Variants in PGM1 observed in about 807,000 individuals in gnomAD.
The protein encoded by PGM1 is phosphoglucomutase-1.
PGM1 carries 52 observed loss-of-function variants against 55.6 expected under a neutral mutation model. The ratio of observed to expected loss-of-function variants is 0.94; its 90% CI spans 0.75 to 1.18. PGM1 has a LOEUF of 1.18. Among genes scored for constraint, PGM1 ranks in the 50% most tolerant of loss-of-function variants. The pLI, the probability that PGM1 is intolerant of heterozygous loss-of-function variation, is 0.00. For missense variants in PGM1, 724 were observed against 729.3 expected (o/e 0.99, Z 0.08); for synonymous variants, 287 against 271.7 (o/e 1.06, Z -0.55).
At chr1:63,656,476 G>T (rs1479808786) in intron 10 of PGM1, among the ~76,000 whole-genome samples, 1 of 152,132 alleles carries the variant, frequency 6.6e-6, no homozygotes, top group Non-Finnish European at 1.5e-5. Flanking sequence ...ATGTCAAAGA[G>T]ATATCTGTTC....
chr1:63,605,027 T>A (rs1187178291), intron 1 of PGM1, among the ~76,000 whole-genome samples: 1 of 151,770 alleles, frequency 6.6e-6, no homozygotes, highest in Non-Finnish European at 1.5e-5. Context: ...AGTGTTCACA[T>A]TGTCGCATTG....
At chr1:63,630,134 T>A in intron 3 of PGM1, 46 bp downstream of exon 3, 1 of 1,593,216 alleles carries the variant, frequency 6.3e-7, no homozygotes, top group Non-Finnish European at 8.6e-7. Flanking sequence ...ATTTCCAAGT[T>A]GAGCGATTTT....
At chr1:63,597,361 A>G (rs1274819889) in intron 1 of PGM1, among the ~76,000 whole-genome samples, 1 of 152,236 alleles carries the variant, frequency 6.6e-6, no homozygotes, top group Non-Finnish European at 1.5e-5. Context: ...GGTTGGGAAT[A>G]ATACATACCT....
intron 1 of PGM1, among the ~76,000 whole-genome samples, chr1:63,594,822 G>A (rs370784612): frequency 2.1e-3 from 310 of 149,280 alleles, no homozygotes; most frequent in African/African-American, 7.4e-3. Context: ...TTAGCCAGGC[G>A]TGGTGGCGGG....
rs1171393226 is a variant in PGM1 at position 63,635,041 on chromosome 1, T to C, written c.873+22T>C. 6 of 1,600,878 alleles carry C rather than the reference T, an allele frequency of 3.7e-6. No individual in the cohort carries two copies. The African/African-American group carries it at 5.4e-5, about 14-fold the overall frequency. ...TGGGGTGGGTATAAGTGCATTTAAG[T>C]GAACTCTGGTGCAGGCCAGGCCTGA... On this transcript the variant is annotated intron_variant, in intron 5 of 10. Transcript: ENST00000371084.
intron 4 of PGM1, among the ~76,000 whole-genome samples, chr1:63,633,918 G>GTGTGTGTGTA (rs1407304546): frequency 2.6e-4 from 7 of 26,752 alleles, no homozygotes; most frequent in Non-Finnish European, 4.9e-4. Context: ...GTGTGTGTGT[G>GTGTGTGTGTA]TATATATATA....
rs1471086569 is a variant in PGM1, at chr1:63,651,848, A to G, written c.1460A>G (p.Asn487Ser). ...SDPVDGSISR[N>S]QGLRLIFTDG... is the part of the protein sequence containing the mutation. ...CCAGTGGATGGAAGCATTTCAAGAA[A>G]TCAGGTAGAAACAGACCGGTGTGTA... The change falls in exon 9 of 11, where the codon AAT (asparagine) becomes AGT (serine). Residue 487 changes from asparagine (N) to serine (S), a missense_variant. Physicochemically the swap from Asn to Ser is conservative, Grantham distance 46 (BLOSUM62 1). This residue lies in a region of PGM1 where 316 missense variants were observed against 313.1 expected (regional missense o/e 1.01). Transcript: ENST00000371084. 1 of 1,613,780 alleles carries G rather than the reference A, an allele frequency of 6.2e-7. No homozygotes were observed. The highest frequency in any genetic ancestry group is 2.2e-5 in the East Asian group (1 of 44,864).
At chr1:63,612,915 A>C (rs548857631) in intron 1 of PGM1, among the ~76,000 whole-genome samples, 1 of 151,288 alleles carries the variant, frequency 6.6e-6, no homozygotes, top group East Asian at 1.9e-4. Flanking sequence ...CTGCCTGAAA[A>C]CTCGCCTCCT....
intron 1 of PGM1, among the ~76,000 whole-genome samples, chr1:63,617,182 A>G (rs1476794308): frequency 6.6e-6 from 1 of 152,174 alleles, no homozygotes; most frequent in African/African-American, 2.4e-5. Context: ...GGACTGAGGG[A>G]GCTCAAAGGA....
At chr1:63,640,473 T>A (rs1408503933) in intron 7 of PGM1, among the ~76,000 whole-genome samples, 3 of 152,244 alleles carry the variant, frequency 2.0e-5, no homozygotes, top group Non-Finnish European at 4.4e-5. Context: ...AGTACAGTTT[T>A]GCCTAAATAT....
intron 7 of PGM1, among the ~76,000 whole-genome samples, chr1:63,645,512 A>G (rs1371476131): frequency 6.6e-6 from 1 of 152,220 alleles, no homozygotes; most frequent in Non-Finnish European, 1.5e-5. Context: ...GCTTCTCAGG[A>G]TGAACTGTTG....
intron 1 of PGM1, chr1:63,594,160 C>T: frequency 1.0e-6 from 1 of 988,018 alleles, no homozygotes; most frequent in Non-Finnish European, 1.2e-6. Context: ...ACTGCCGCCG[C>T]CTCGCCCAGA....
intron 1 of PGM1, among the ~76,000 whole-genome samples, chr1:63,605,326 A>G (rs980387928): frequency 1.3e-5 from 2 of 152,158 alleles, no homozygotes; most frequent in Non-Finnish European, 2.9e-5. Context: ...CTTCTGGCCT[A>G]TCCTGATCAG....
chr1:63,612,184 G>A (rs113032417), intron 1 of PGM1, among the ~76,000 whole-genome samples: 3,348 of 151,694 alleles, frequency 0.022, 127 homozygotes, highest in African/African-American at 0.077. Context: ...TTGAACCTGG[G>A]AGGCAGAGGT....
Position 63,593,753 on chromosome 1 carries a change from C to T in PGM1, c.246+19C>T, listed in dbSNP as rs1481782027. 3.8e-6 allele frequency: 6 copies of T among 1,577,346 alleles called. No individual in the cohort carries two copies. Among genetic ancestry groups the T allele is most frequent in the Non-Finnish European group, 5.1e-6 (6 of 1,167,998 alleles). ...CAACGGGGTAAGGGATGCGCGGCCC[C>T]GCGCCGCTGTGCACCCTGGCGCGTG... On this transcript the variant is annotated intron_variant, in intron 1 of 10. Coordinates refer to ENST00000371084, the MANE Select transcript of PGM1 (RefSeq NM_002633.3).
rs1304032053 is a variant in PGM1, at chr1:63,638,675, G to C, written c.1029-10G>C. ...TGCTGTGATGTAACTTTGATTTCAT[G>C]CCTTTGAAGGGTGGCTAGTGCTACA... On this transcript the variant is annotated splice_polypyrimidine_tract_variant and intron_variant, in intron 6 of 10. Coordinates refer to ENST00000371084, the MANE Select transcript of PGM1 (RefSeq NM_002633.3). 1 of 1,583,438 alleles carries C rather than the reference G, an allele frequency of 6.3e-7. No individual in the cohort carries two copies. The highest frequency in any genetic ancestry group is 8.7e-7 in the Non-Finnish European group (1 of 1,151,986).
Position 63,648,946 on chromosome 1 carries a change from T to G in PGM1, c.1280+294T>G, listed in dbSNP as rs80150648. On this transcript the variant is annotated intron_variant, in intron 8 of 10. Coordinates refer to ENST00000371084, the MANE Select transcript of PGM1 (RefSeq NM_002633.3). ...ACATGATCATAACATTGGATTTGGA[T>G]TCAGAGAAATGGATTAGAATTTTAT... Among the ~76,000 whole-genome samples the G allele has an allele frequency of 3.3e-3, 498 of 152,342 alleles. 1 individual carries two copies. The highest frequency in any genetic ancestry group is 5.6e-3 in the Non-Finnish European group (383 of 68,036).
chr1:63,640,637 A>T (rs1649490919), intron 7 of PGM1, among the ~76,000 whole-genome samples: 1 of 152,196 alleles, frequency 6.6e-6, no homozygotes, highest in Admixed American at 6.5e-5. Flanking sequence ...AGAGCCCCAG[A>T]GCCAAGTAGG....
In PGM1 at chr1:63,651,633, T is replaced by C. The variant is rs370169697; in HGVS notation, c.1281-36T>C. On this transcript the variant is annotated intron_variant, in intron 8 of 10. Coordinates refer to ENST00000371084, the MANE Select transcript of PGM1 (RefSeq NM_002633.3). ...TGATAGGCCTTGGTGTGATCTGCAG[T>C]CAGCCCGTGGGCCTCAACTTCGTGA... The C allele has an allele frequency of 5.6e-6, 9 of 1,601,710 alleles. No homozygotes were observed. The African/African-American group carries it at 1.2e-4, about 21-fold the overall frequency.
Sources: gnomAD v4.1 joint callset for allele counts (sites outside exome capture counted in the v4.1 genomes callset) on GRCh38, gnomAD v4.1.1 for gene constraint, gnomAD v4.1.1 regional missense constraint, MANE v1.5 for transcripts, NCBI Gene and HGNC (gene_info 2026-07-23, HGNC 2026-07-21) for gene names.